Variants in KIFC1 observed in about 807,000 individuals in gnomAD.
KIFC1 encodes the protein kinesin family member C1, also known as kinesin-like protein KIFC1.
In KIFC1, 37 loss-of-function variants were observed where a neutral mutation model predicts 66.6. The ratio of observed to expected loss-of-function variants is 0.56; its 90% CI spans 0.43 to 0.73. The LOEUF is 0.73. Ranked by LOEUF, KIFC1 falls within the 30% of genes least tolerant of loss-of-function variation. The probability of loss-of-function intolerance (pLI) is 0.00; values close to 1 mark genes in which losing one functional copy is unlikely to be tolerated. For synonymous variants in KIFC1, 325 were observed against 343.5 expected (o/e 0.95, Z 0.60); for missense variants, 721 against 859.8 (o/e 0.84, Z 2.02).
At chr6:33,407,042 T>C in intron 10 of KIFC1, 167 bp downstream of exon 10, 1 of 1,421,032 alleles carries the variant, frequency 7.0e-7, no homozygotes, top group Non-Finnish European at 9.2e-7. Context: ...AGCTTTTGAG[T>C]TAAGTTTTTT....
intron 1 of KIFC1, among the ~76,000 whole-genome samples, chr6:33,394,488 GA>G (rs899914527): frequency 6.6e-6 from 1 of 151,730 alleles, no homozygotes; most frequent in African/African-American, 2.4e-5. Context: ...TCCAAATGGA[GA>G]TTTTTTTTGA....
chr6:33,397,400 C>T (rs1429614497), intron 1 of KIFC1, among the ~76,000 whole-genome samples: 4 of 148,592 alleles, frequency 2.7e-5, no homozygotes, highest in East Asian at 2.0e-4. Flanking sequence ...CAGGTTCAGG[C>T]GATTCTCCTG....
chr6:33,404,161 C>A lies in KIFC1; in HGVS notation c.756+32C>A, dbSNP rs1218175812. The A allele has an allele frequency of 1.3e-6, 2 of 1,576,718 alleles. No homozygotes were observed. Among genetic ancestry groups the A allele is most frequent in the African/African-American group, 1.3e-5 (1 of 74,076 alleles). ...GCCAGATTTTCACCAGATGTCAGCC[C>A]CGCTTTCCTGGCAGAGGTCATGCCT... is the stretch of plus-strand genomic sequence containing the variant. On this transcript the variant is annotated intron_variant, in intron 6 of 10. Transcript: ENST00000428849. This position sits in a 1 kb window ranked among gnomAD's most constrained non-coding sequence, Gnocchi z 4.0.
chr6:33,399,510 GA>G (rs112242543), intron 3 of KIFC1, among the ~76,000 whole-genome samples: 4,181 of 152,276 alleles, frequency 0.027, 187 homozygotes, highest in African/African-American at 0.094. Context: ...AAACATCATA[GA>G]ATGTACTTAC....
At chr6:33,399,568 T>C (rs1177226824) in intron 3 of KIFC1, among the ~76,000 whole-genome samples, 1 of 152,254 alleles carries the variant, frequency 6.6e-6, no homozygotes, top group Admixed American at 6.5e-5. Flanking sequence ...CTATCTGCGA[T>C]AGCCTATTGT....
In KIFC1 at chr6:33,406,075, T is replaced by C. The variant is rs1775635164; in HGVS notation, c.1537-121T>C. On this transcript the variant is annotated intron_variant, in intron 7 of 10. Transcript: ENST00000428849. The surrounding 1 kb of genome is among the most constrained non-coding windows in gnomAD (Gnocchi z 4.5). The stretch of plus-strand genomic sequence containing the variant: ...TTTTCAGACATACTGTGCATCTTAT[T>C]TTGTTTCTTGACAGGCTAGAAAGCT... 2.2e-6 allele frequency: 2 copies of C among 905,100 alleles called. No homozygotes were observed. Among genetic ancestry groups the C allele is most frequent in the South Asian group, 1.7e-5 (1 of 58,154 alleles). 56.1% of individuals were successfully genotyped at this position (905,100 alleles called of 1,614,324 possible). A position where few individuals can be genotyped will look rare whatever the true frequency, so the allele number is the denominator to read the frequency against.
Position 33,404,470 on chromosome 6 carries a change from T to C in KIFC1, c.756+341T>C, listed in dbSNP as rs994707220. On this transcript the variant is annotated intron_variant, in intron 6 of 10. Coordinates refer to ENST00000428849, the MANE Select transcript of KIFC1 (RefSeq NM_002263.4). This position sits in a 1 kb window ranked among gnomAD's most constrained non-coding sequence, Gnocchi z 4.0. ...TTCCCTCCTCCCATGTCCACTTGAC[T>C]CCTTCCTGGTGAGCACCAACTAGAT... 6.6e-6 allele frequency among the ~76,000 whole-genome samples: 1 copy of C among 152,204 alleles called. No individual in the cohort carries two copies. Among genetic ancestry groups the C allele is most frequent in the Admixed American group, 6.5e-5 (1 of 15,282 alleles).
intron 1 of KIFC1, among the ~76,000 whole-genome samples, chr6:33,396,283 C>T (rs1351247470): frequency 6.6e-6 from 1 of 152,074 alleles, no homozygotes; most frequent in African/African-American, 2.4e-5. Flanking sequence ...GTCCTAGGCA[C>T]TTAAGAGGCT....
chr6:33,395,720 C>T (rs773763748), intron 1 of KIFC1, among the ~76,000 whole-genome samples: 3 of 152,068 alleles, frequency 2.0e-5, no homozygotes, highest in African/African-American at 7.2e-5. Context: ...AGATCCACTA[C>T]GGTAGTGTAG....
In KIFC1 at chr6:33,403,534, C is replaced by T. The variant is rs1775482722; in HGVS notation, c.354C>T (p.Gly118=). The T allele has an allele frequency of 6.2e-7, 1 of 1,614,000 alleles. No individual in the cohort carries two copies. Among genetic ancestry groups the T allele is most frequent in the South Asian group, 1.1e-5 (1 of 91,084 alleles). The change falls in exon 5 of 11, where the codon GGC becomes GGT. Residue 118 remains glycine (G), a splice_region_variant and synonymous_variant. Transcript: ENST00000428849. This position sits in a 1 kb window ranked among gnomAD's most constrained non-coding sequence, Gnocchi z 4.6. ...PVPAVPVQKS[G]TSGVPPMAGG... ...CTGCTGTTCCTGTCCAGAAGTCTGG[C>T]AGTAAGTGACAAACATAACCACTGG...
At position 33,409,740 on chromosome 6, in the gene KIFC1, T is replaced by TATCGG; in HGVS notation, c.*50_*51insATCGG. Reference sequence around the variant, plus strand: ...GTGTGTGTGTGTGTGTGTGTGTGTGTGTGTGTGTGTGTGTCCCTATGTCTA... The same window carrying TATCGG: ...GTGTGTGTGTGTGTGTGTGTGTGTGTATCGGGTGTGTGTGTGTGTCCCTATGTCTA... On this transcript the variant is annotated 3_prime_UTR_variant, in exon 11 of 11. Transcript: ENST00000428849. 1 of 1,411,086 alleles carries TATCGG rather than the reference T, an allele frequency of 7.1e-7. No individual in the cohort carries two copies. Among genetic ancestry groups the TATCGG allele is most frequent in the Non-Finnish European group, 9.9e-7 (1 of 1,012,100 alleles). The allele number at this position is 1,411,086 out of a possible 1,614,324, so 87.4% of individuals were successfully genotyped here.
Position 33,409,704 on chromosome 6 carries a change from TC to T in KIFC1, c.*15del, listed in dbSNP as rs1224073858. 6.9e-7 allele frequency: 1 copy of T among 1,445,324 alleles called. No homozygotes were observed. The highest frequency in any genetic ancestry group is 9.4e-7 in the Non-Finnish European group (1 of 1,062,904). 89.5% of individuals were successfully genotyped at this position (1,445,324 alleles called of 1,614,324 possible). A position where few individuals can be genotyped will look rare whatever the true frequency, so the allele number is the denominator to read the frequency against. ...AACAGGAAGTGAAGACGGATCCAGA[TC>T]TGTGTGTGTGTGTGTGTGTGTGTGT... On this transcript the variant is annotated 3_prime_UTR_variant, in exon 11 of 11. Coordinates refer to ENST00000428849, the MANE Select transcript of KIFC1 (RefSeq NM_002263.4).
intron 10 of KIFC1, 36 bp from the exon 11 acceptor site, chr6:33,409,610 T>A (rs763651644): frequency 3.1e-6 from 5 of 1,605,806 alleles, no homozygotes. Context: ...TTGGTTACGC[T>A]GCAAACTTTT....
intron 1 of KIFC1, among the ~76,000 whole-genome samples, chr6:33,396,427 TTTTCTTTTC>T (rs1357920436): frequency 7.5e-6 from 1 of 134,082 alleles, no homozygotes; most frequent in African/African-American, 3.0e-5. Context: ...TTTTTCTTTC[TTTTCTTTTC>T]TTTTTTTTTT....
At position 33,405,734 on chromosome 6, in the gene KIFC1, A is replaced by C; in HGVS notation, c.1536+103A>C. On this transcript the variant is annotated intron_variant, in intron 7 of 10. Transcript: ENST00000428849. The surrounding 1 kb of genome is among the most constrained non-coding windows in gnomAD (Gnocchi z 5.4). ...AGGAGCAAGAGAGAATTGAAGGATG[A>C]AGTGCAAGTTATCAGGCTGGGTTAC... 8.2e-7 allele frequency: 1 copy of C among 1,217,382 alleles called. No individual in the cohort carries two copies. Among genetic ancestry groups the C allele is most frequent in the Non-Finnish European group, 1.1e-6 (1 of 915,200 alleles). 75.4% of individuals were successfully genotyped at this position (1,217,382 alleles called of 1,614,324 possible).
At chr6:33,396,555 A>T (rs1190173206) in intron 1 of KIFC1, among the ~76,000 whole-genome samples, 1 of 144,908 alleles carries the variant, frequency 6.9e-6, no homozygotes. Flanking sequence ...CCATCCTCCC[A>T]CCTCAGCCTC....
Position 33,400,359 on chromosome 6 carries a change from G to A in KIFC1, c.250+1972G>A. ...GCACCACCTCAATCTGGGCCTGTCT[G>A]TTCTCAATGGTCAGTTTCACTGTAA... On this transcript the variant is annotated intron_variant, in intron 3 of 10. Transcript: ENST00000428849. This position sits in a 1 kb window ranked among gnomAD's most constrained non-coding sequence, Gnocchi z 4.3. 1 of 1,593,722 alleles carries A rather than the reference G, an allele frequency of 6.3e-7. No individual in the cohort carries two copies.
chr6:33,403,251 C>G lies in KIFC1; in HGVS notation c.251-63C>G. On this transcript the variant is annotated intron_variant, in intron 3 of 10. Transcript: ENST00000428849. The surrounding 1 kb of genome is among the most constrained non-coding windows in gnomAD (Gnocchi z 4.6). ...AGCACTTCTTCTGCCCCTGTCCTAG[C>G]AAGTGTACATGCCATCTTAAGAATG... 1 of 1,426,490 alleles carries G rather than the reference C, an allele frequency of 7.0e-7. No individual in the cohort carries two copies. Among genetic ancestry groups the G allele is most frequent in the Non-Finnish European group, 9.9e-7 (1 of 1,010,852 alleles). 88.4% of individuals were successfully genotyped at this position (1,426,490 alleles called of 1,614,324 possible).
chr6:33,405,037 C>G lies in KIFC1; in HGVS notation c.942C>G (p.Phe314Leu). ...AACTCAAGGGCAACATCCGTGTATT[C>G]TGCCGGGTCCGCCCTGTCCTGCCGG... ...LQELKGNIRV[F>L]CRVRPVLPGE... The change falls in exon 7 of 11, where the codon TTC (phenylalanine) becomes TTG (leucine). Residue 314 changes from phenylalanine (F) to leucine (L), a missense_variant. Coordinates refer to ENST00000428849, the MANE Select transcript of KIFC1 (RefSeq NM_002263.4). This position sits in a 1 kb window ranked among gnomAD's most constrained non-coding sequence, Gnocchi z 5.4. The G allele has an allele frequency of 6.2e-7, 1 of 1,614,128 alleles. No homozygotes were observed. Among genetic ancestry groups the G allele is most frequent in the Non-Finnish European group, 8.5e-7 (1 of 1,179,996 alleles).
Sources: gnomAD v4.1 joint callset for allele counts (sites outside exome capture counted in the v4.1 genomes callset) on GRCh38, gnomAD v4.1.1 for gene constraint, Gnocchi (gnomAD v3.1) non-coding constraint, MANE v1.5 for transcripts, NCBI Gene and HGNC (gene_info 2026-07-23, HGNC 2026-07-21) for gene names.